The following SBF2 variants were observed in gnomAD, a reference collection of about 807,000 sequenced individuals.
SBF2 encodes myotubularin-related protein 13.
In SBF2, 112 loss-of-function variants were observed where a neutral mutation model predicts 225.2. The ratio of observed to expected loss-of-function variants is 0.50; its 90% CI spans 0.43 to 0.58. The LOEUF (loss-of-function observed/expected upper bound fraction) is 0.58, where lower values mean the gene tolerates loss of function less well. Among genes scored for constraint, SBF2 ranks in the 20% least tolerant of loss-of-function variants. The probability of loss-of-function intolerance (pLI) is 0.00; values close to 1 mark genes in which losing one functional copy is unlikely to be tolerated. For missense variants in SBF2, 1,996 were observed against 2,206.2 expected, an observed-to-expected ratio of 0.90 and a Z score of 1.91; for synonymous variants, 763 against 773.3, an observed-to-expected ratio of 0.99 and a Z score of 0.22.
intron 16 of SBF2, among the ~76,000 whole-genome samples, chr11:9,922,243 CT>C (rs1180799149): frequency 6.6e-6 from 1 of 151,890 alleles, no homozygotes; most frequent in Non-Finnish European, 1.5e-5. Context: ...GAGCAAGACT[CT>C]GTCTCAAAAA....
chr11:10,153,618 G>T (rs1400410546), intron 2 of SBF2, among the ~76,000 whole-genome samples: 2 of 151,954 alleles, frequency 1.3e-5, no homozygotes, highest in Non-Finnish European at 2.9e-5. Flanking sequence ...CTAAAAACTT[G>T]AAAATGTAAT....
intron 17 of SBF2, among the ~76,000 whole-genome samples, chr11:9,868,104 T>C (rs958918600): frequency 1.3e-5 from 2 of 152,110 alleles, no homozygotes; most frequent in African/African-American, 2.4e-5. Context: ...TATCAAAATA[T>C]CACTTGTACC....
intron 2 of SBF2, among the ~76,000 whole-genome samples, chr11:10,046,636 T>TA (rs553558342): frequency 0.011 from 1,591 of 143,164 alleles, 16 homozygotes; most frequent in Non-Finnish European, 0.017. Flanking sequence ...GAATATCTTT[T>TA]AAAAAAAAAA....
chr11:10,238,610 A>C (rs1959167917), intron 1 of SBF2, among the ~76,000 whole-genome samples: 1 of 143,788 alleles, frequency 7.0e-6, no homozygotes. Flanking sequence ...CAAAGAGAAA[A>C]AGACAAATCC....
chr11:10,099,006 GAAGTCCC>G (rs2134959003), intron 2 of SBF2, among the ~76,000 whole-genome samples: 1 of 152,118 alleles, frequency 6.6e-6, no homozygotes, highest in South Asian at 2.1e-4. Flanking sequence ...ATGCATGATA[GAAGTCCC>G]AGAAAAAGAA....
At chr11:10,283,011 A>G (rs916605645) in intron 1 of SBF2, among the ~76,000 whole-genome samples, 3 of 152,104 alleles carry the variant, frequency 2.0e-5, no homozygotes, top group Non-Finnish European at 4.4e-5. Context: ...AATCTCCTCT[A>G]TCCTCTTTTT....
intron 6 of SBF2, among the ~76,000 whole-genome samples, chr11:10,005,654 T>C (rs1307935986): frequency 6.6e-6 from 1 of 152,154 alleles, no homozygotes; most frequent in Non-Finnish European, 1.5e-5. Context: ...CTCTATGGAT[T>C]TGCTGTCGGT....
At chr11:10,287,150 T>A (rs141555375) in intron 1 of SBF2, among the ~76,000 whole-genome samples, 1 of 152,344 alleles carries the variant, frequency 6.6e-6, no homozygotes, top group East Asian at 1.9e-4. Context: ...ACTATTTATA[T>A]GACATTCTAG....
chr11:9,792,821 C>T (rs1040685713), intron 33 of SBF2, among the ~76,000 whole-genome samples: 7 of 151,290 alleles, frequency 4.6e-5, no homozygotes, highest in African/African-American at 9.7e-5. Context: ...GGTGTGATCT[C>T]GGCTCACTGC....
intron 6 of SBF2, among the ~76,000 whole-genome samples, chr11:10,005,472 T>C (rs1237051218): frequency 6.6e-6 from 1 of 152,144 alleles, no homozygotes; most frequent in Non-Finnish European, 1.5e-5. Context: ...ATCTCTCAAG[T>C]TGTCTGCTTG....
In SBF2 at chr11:10,039,339, T is replaced by C. The variant is rs530403239; in HGVS notation, c.279+3505A>G. Among the ~76,000 whole-genome samples, 5 of 152,006 alleles carry C rather than the reference T, an allele frequency of 3.3e-5. No individual in the cohort carries two copies. The South Asian group carries it at 1.0e-3, about 31-fold the overall frequency. On this transcript the variant is annotated intron_variant, in intron 3 of 39. Coordinates refer to ENST00000256190, the MANE Select transcript of SBF2 (RefSeq NM_030962.4). ...CTTTACTGATGACAAGAAAGAAACA[T>C]CTTCTGGGTTCTATTTTTTTTTCAA... is the stretch of plus-strand genomic sequence containing the variant.
intron 1 of SBF2, among the ~76,000 whole-genome samples, chr11:10,222,992 C>A (rs979367219): frequency 1.3e-5 from 2 of 151,896 alleles, no homozygotes; most frequent in Non-Finnish European, 2.9e-5. Context: ...GACGTTTTAT[C>A]GGTAGATCTC....
At chr11:10,004,054 T>C (rs1372755851) in intron 6 of SBF2, among the ~76,000 whole-genome samples, 2 of 152,184 alleles carry the variant, frequency 1.3e-5, no homozygotes, top group Admixed American at 6.5e-5. Flanking sequence ...ACTTATCCCA[T>C]GTGATACATC....
intron 2 of SBF2, among the ~76,000 whole-genome samples, chr11:10,118,552 T>C (rs1396031325): frequency 1.3e-5 from 2 of 152,116 alleles, no homozygotes; most frequent in Non-Finnish European, 2.9e-5. Context: ...GCAGAAAATA[T>C]TTACAAAGAA....
At chr11:9,980,998 A>G (rs528555118) in intron 13 of SBF2, among the ~76,000 whole-genome samples, 105 of 152,374 alleles carry the variant, frequency 6.9e-4, no homozygotes, top group Non-Finnish European at 1.6e-4. Context: ...GAAAGATCAC[A>G]TTCTAAATGT....
intron 32 of SBF2, among the ~76,000 whole-genome samples, chr11:9,798,186 T>G (rs1853251067): frequency 6.6e-6 from 1 of 152,182 alleles, no homozygotes; most frequent in Admixed American, 6.5e-5. Context: ...TACTGATACT[T>G]ATGCACAGCA....
intron 17 of SBF2, among the ~76,000 whole-genome samples, chr11:9,871,677 G>A (rs1858765010): frequency 6.6e-6 from 1 of 151,876 alleles, no homozygotes; most frequent in Non-Finnish European, 1.5e-5. Flanking sequence ...ATTTTTAGTT[G>A]AGACGGGGTT....
At chr11:10,278,809 T>C (rs1180995350) in intron 1 of SBF2, among the ~76,000 whole-genome samples, 1 of 137,504 alleles carries the variant, frequency 7.3e-6, no homozygotes, top group African/African-American at 2.7e-5. Flanking sequence ...AAAAAAGAAA[T>C]ACAATTCCAG....
chr11:10,049,461 G>C (rs973983891), intron 2 of SBF2, among the ~76,000 whole-genome samples: 1 of 152,104 alleles, frequency 6.6e-6, no homozygotes, highest in Non-Finnish European at 1.5e-5. Flanking sequence ...ATAAAAATTA[G>C]CTGGGTGTGG....
Sources: gnomAD v4.1 joint callset for allele counts (sites outside exome capture counted in the v4.1 genomes callset) on GRCh38, gnomAD v4.1.1 for gene constraint, MANE v1.5 for transcripts, NCBI Gene and HGNC (gene_info 2026-07-23, HGNC 2026-07-21) for gene names.